CNTN5: variants seen among roughly 807,000 people sequenced by gnomAD.
The protein encoded by CNTN5 is contactin-5.
A neutral mutation model predicts 129.1 loss-of-function variants in CNTN5; 77 were observed. That is an observed-to-expected ratio of 0.60 (90% confidence interval 0.50 to 0.72). The LOEUF (loss-of-function observed/expected upper bound fraction) is 0.72. Ranked by LOEUF, CNTN5 falls within the 30% of genes least tolerant of loss-of-function variation. The pLI, the probability that CNTN5 is intolerant of heterozygous loss-of-function variation, is 0.00. For missense variants in CNTN5, 1,478 were observed against 1,328.8 expected (o/e 1.11, Z -1.75); for synonymous variants, 509 against 465.6 (o/e 1.09, Z -1.20).
At chr11:99,170,982 A>G (rs7117432) in intron 1 of CNTN5, among the ~76,000 whole-genome samples, 19,705 of 152,204 alleles carry the variant, frequency 0.13, 1,795 homozygotes, top group African/African-American at 0.26. Context: ...TGCAACTTTA[A>G]AAATAGAAAG....
intron 1 of CNTN5, among the ~76,000 whole-genome samples, chr11:99,123,076 G>A (rs1315683939): frequency 6.6e-6 from 1 of 152,098 alleles, no homozygotes. Context: ...TGGGATTACT[G>A]GGTTGAATAA....
intron 6 of CNTN5, among the ~76,000 whole-genome samples, chr11:99,892,958 G>A (rs563330563): frequency 5.9e-5 from 9 of 152,270 alleles, no homozygotes; most frequent in Middle Eastern, 3.4e-3. Flanking sequence ...TCCTATCCAT[G>A]AGCATGAAAT....
chr11:99,201,022 C>CTTCCTT (rs1859149686), intron 1 of CNTN5, among the ~76,000 whole-genome samples: 3 of 83,180 alleles, frequency 3.6e-5, no homozygotes, highest in African/African-American at 4.6e-5. Flanking sequence ...TCCTTCCTTC[C>CTTCCTT]TTTTTTTTTT....
chr11:99,585,338 T>C (rs2135640795), intron 3 of CNTN5, among the ~76,000 whole-genome samples: 1 of 152,252 alleles, frequency 6.6e-6, no homozygotes, highest in African/African-American at 2.4e-5. Context: ...GGGTTTTCTT[T>C]AGCTGCTTCA....
chr11:100,345,777 G>C (rs2139025817), intron 23 of CNTN5, among the ~76,000 whole-genome samples: 1 of 152,196 alleles, frequency 6.6e-6, no homozygotes, highest in South Asian at 2.1e-4. Context: ...GATTGTCTAT[G>C]AGATGCTGGG....
intron 6 of CNTN5, among the ~76,000 whole-genome samples, chr11:99,874,692 T>G (rs542226680): frequency 6.6e-6 from 1 of 152,210 alleles, no homozygotes; most frequent in Non-Finnish European, 1.5e-5. Context: ...AGAAAAGATA[T>G]ATGCTTGATT....
intron 8 of CNTN5, among the ~76,000 whole-genome samples, chr11:99,981,079 T>G (rs11222161): frequency 6.1e-4 from 36 of 59,124 alleles, no homozygotes; most frequent in East Asian, 1.7e-3. Flanking sequence ...GCCAATAGGA[T>G]ATATATATAT....
chr11:99,244,492 A>G (rs978523280), intron 1 of CNTN5, among the ~76,000 whole-genome samples: 6 of 152,164 alleles, frequency 3.9e-5, no homozygotes, highest in Non-Finnish European at 5.9e-5. Context: ...TAAATTAACA[A>G]TGACCTTTTT....
At chr11:99,688,206 G>A (rs608414) in intron 3 of CNTN5, among the ~76,000 whole-genome samples, 151,031 of 152,320 alleles carry the variant, frequency 0.99, 74,890 homozygotes, top group East Asian at 1. Context: ...TGAAATAAAT[G>A]TATTTAGTTT....
chr11:99,115,580 CA>C (rs1858007270), intron 1 of CNTN5, among the ~76,000 whole-genome samples: 1 of 151,922 alleles, frequency 6.6e-6, no homozygotes, highest in South Asian at 2.1e-4. Context: ...GCCAACATGG[CA>C]AAACCCCATC....
intron 15 of CNTN5, 90 bp downstream of exon 15, chr11:100,193,753 GAAA>G: frequency 1.3e-6 from 1 of 776,818 alleles, no homozygotes; most frequent in African/African-American, 1.9e-5. Context: ...GAAGTGCTAA[GAAA>G]AAAAAAAACA....
chr11:99,748,414 T>TAGAG (rs60403723), intron 3 of CNTN5, among the ~76,000 whole-genome samples: 49,259 of 150,888 alleles, frequency 0.33, 9,772 homozygotes, highest in East Asian at 0.73. Context: ...GAACAATCCA[T>TAGAG]AGAGAGAGAG....
chr11:99,825,263 T>C (rs1145404), intron 4 of CNTN5, among the ~76,000 whole-genome samples: 82,505 of 151,722 alleles, frequency 0.54, 22,584 homozygotes, highest in African/African-American at 0.58. Context: ...GTTTTCTATA[T>C]GTAATTCCTC....
chr11:99,396,539 T>A (rs940923871), intron 2 of CNTN5, among the ~76,000 whole-genome samples: 3 of 151,570 alleles, frequency 2.0e-5, no homozygotes, highest in African/African-American at 4.8e-5. Flanking sequence ...TAAATTTAAG[T>A]GTAAAACACT....
chr11:100,318,400 A>C (rs1951612439), intron 21 of CNTN5, among the ~76,000 whole-genome samples: 1 of 152,102 alleles, frequency 6.6e-6, no homozygotes, highest in Non-Finnish European at 1.5e-5. Context: ...TATATAATGC[A>C]CATTTGCACA....
chr11:100,141,374 G>C (rs1014228180), intron 13 of CNTN5, among the ~76,000 whole-genome samples: 1 of 149,904 alleles, frequency 6.7e-6, no homozygotes, highest in Non-Finnish European at 1.5e-5. Context: ...GGTGCCCTTT[G>C]AGGAACACAC....
chr11:99,998,076 T>C (rs1939579213), intron 8 of CNTN5, among the ~76,000 whole-genome samples: 1 of 151,988 alleles, frequency 6.6e-6, no homozygotes, highest in Admixed American at 6.6e-5. Flanking sequence ...CTGGAAGCAT[T>C]CCCATTGAAA....
chr11:99,303,739 A>T (rs772334671), intron 1 of CNTN5, among the ~76,000 whole-genome samples: 1 of 151,926 alleles, frequency 6.6e-6, no homozygotes, highest in Non-Finnish European at 1.5e-5. Context: ...CCACATTTTC[A>T]CATTTTCTTT....
chr11:99,253,897 T>TTTTA (rs376157994), intron 1 of CNTN5, among the ~76,000 whole-genome samples: 2 of 139,062 alleles, frequency 1.4e-5, no homozygotes, highest in Non-Finnish European at 3.1e-5. Flanking sequence ...AAATATACGT[T>TTTTA]TATATATATA....
Sources: allele counts gnomAD v4.1 joint callset (sites outside exome capture counted in the v4.1 genomes callset), GRCh38; gene constraint gnomAD v4.1.1; transcripts MANE v1.5; gene names NCBI Gene and HGNC (gene_info 2026-07-23, HGNC 2026-07-21).